Variants in ARHGAP21 observed in about 807,000 individuals in gnomAD.
ARHGAP21 encodes Rho GTPase activating protein 21.
ARHGAP21 carries 38 observed loss-of-function variants against 164.6 expected under a neutral mutation model. The ratio of observed to expected loss-of-function variants is 0.23; its 90% CI spans 0.18 to 0.30. The LOEUF is 0.30. Ranked by LOEUF, ARHGAP21 falls within the 10% of genes least tolerant of loss-of-function variation. The pLI, the probability that ARHGAP21 is intolerant of heterozygous loss-of-function variation, is 1.00. For missense variants in ARHGAP21, 1,822 were observed against 2,370.7 expected, an observed-to-expected ratio of 0.77 and a Z score of 4.81; for synonymous variants, 766 against 857.9, an observed-to-expected ratio of 0.89 and a Z score of 1.87.
intron 4 of ARHGAP21, among the ~76,000 whole-genome samples, chr10:24,636,101 A>G (rs903403647): frequency 1.3e-5 from 2 of 152,236 alleles, no homozygotes; most frequent in Non-Finnish European, 2.9e-5. Context: ...TTTGCTAAAA[A>G]TGGATGTTTT....
chr10:24,592,702 T>C (rs529466047), intron 21 of ARHGAP21, among the ~76,000 whole-genome samples: 3 of 150,746 alleles, frequency 2.0e-5, no homozygotes, highest in African/African-American at 7.4e-5. Flanking sequence ...GAGGTCGAGG[T>C]TGCAGCCTGG....
At chr10:24,698,168 C>T (rs1389008941) in intron 2 of ARHGAP21, among the ~76,000 whole-genome samples, 2 of 152,054 alleles carry the variant, frequency 1.3e-5, no homozygotes, top group African/African-American at 4.8e-5. Flanking sequence ...AAACTTTCCC[C>T]ATCAATCATG....
rs1464084412 is a variant in ARHGAP21 at position 24,584,629 on chromosome 10, T to C, written c.5660A>G (p.Asp1887Gly). ...GTTGCAATGAAGAGACAAAGGTGTGTCGGTCGTGGCTATTTCTCGTGTGCT... is the reference window on the plus strand; with the variant it reads ...GTTGCAATGAAGAGACAAAGGTGTGCCGGTCGTGGCTATTTCTCGTGTGCT... The part of the protein sequence containing the change: ...NPSTREIATT[D>G]TPLSLHCNTG... The change falls in exon 26 of 26, where the codon GAC (aspartate) becomes GGC (glycine). Residue 1887 changes from aspartate (D) to glycine (G), a missense_variant. Physicochemically the swap from Asp to Gly is moderately conservative, Grantham distance 94. Transcript: ENST00000396432. 1.2e-6 allele frequency: 2 copies of C among 1,613,950 alleles called. No homozygotes were observed. The highest frequency in any genetic ancestry group is 1.7e-5 in the Admixed American group (1 of 60,010).
chr10:24,627,215 G>C (rs1387695210), intron 7 of ARHGAP21, among the ~76,000 whole-genome samples: 1 of 152,054 alleles, frequency 6.6e-6, no homozygotes, highest in African/African-American at 2.4e-5. Flanking sequence ...TGTTTCCATG[G>C]GTAAATGATT....
At chr10:24,645,828 A>G (rs1837513086) in intron 4 of ARHGAP21, among the ~76,000 whole-genome samples, 1 of 152,176 alleles carries the variant, frequency 6.6e-6, no homozygotes, top group Non-Finnish European at 1.5e-5. Context: ...TGAGGAAGAA[A>G]TAAGTAATAT....
intron 7 of ARHGAP21, among the ~76,000 whole-genome samples, chr10:24,624,391 G>C (rs1485325087): frequency 7.2e-6 from 1 of 138,926 alleles, no homozygotes; most frequent in African/African-American, 2.8e-5. Context: ...CCAGGCTGGA[G>C]TGCAGTGGCG....
At chr10:24,619,408 A>G in intron 9 of ARHGAP21, 65 bp downstream of exon 9, 5 of 1,464,276 alleles carry the variant, frequency 3.4e-6, no homozygotes, top group Non-Finnish European at 4.6e-6. Context: ...AACTAGAAAT[A>G]ATACTTTTCT....
At chr10:24,627,417 T>C (rs11014182) in intron 7 of ARHGAP21, among the ~76,000 whole-genome samples, 24,288 of 152,112 alleles carry the variant, frequency 0.16, 2,502 homozygotes, top group Non-Finnish European at 0.23. Flanking sequence ...GAAAATTATA[T>C]ATTCCTTTGA....
In ARHGAP21 at chr10:24,696,861, C is replaced by T. The variant is rs369602288; in HGVS notation, c.63+24976G>A. Among the ~76,000 whole-genome samples, 4 of 152,320 alleles carry T rather than the reference C, an allele frequency of 2.6e-5. No homozygotes were observed. In the East Asian group the frequency reaches 5.8e-4, roughly 22 times the overall value. ...GGCCCACAGGACACTCCGTGTACCA[C>T]GGCAATACTGAATGTGCTGATGGAG... On this transcript the variant is annotated intron_variant, in intron 2 of 25. Transcript: ENST00000396432.
Position 24,658,777 on chromosome 10 carries a change from T to C in ARHGAP21, c.268+8208A>G, listed in dbSNP as rs371222358. On this transcript the variant is annotated intron_variant, in intron 4 of 25. Transcript: ENST00000396432. Reference sequence around the variant, plus strand: ...CACCAACATGGCACATGTATACATATGTAAAAAACCTGCACATTGTGCACA... The same window carrying C: ...CACCAACATGGCACATGTATACATACGTAAAAAACCTGCACATTGTGCACA... 4.7e-5 allele frequency among the ~76,000 whole-genome samples: 7 copies of C among 148,458 alleles called. No homozygotes were observed. In the South Asian group the frequency reaches 1.1e-3, roughly 23 times the overall value.
intron 4 of ARHGAP21, among the ~76,000 whole-genome samples, chr10:24,655,017 G>A (rs1288963215): frequency 6.6e-6 from 1 of 152,148 alleles, no homozygotes; most frequent in Non-Finnish European, 1.5e-5. Flanking sequence ...CAAGAAATGG[G>A]GAAAGGATTC....
chr10:24,669,015 T>C (rs1840455340), intron 3 of ARHGAP21, among the ~76,000 whole-genome samples: 1 of 152,194 alleles, frequency 6.6e-6, no homozygotes, highest in Non-Finnish European at 1.5e-5. Flanking sequence ...GACTTTTTAA[T>C]ATCAGCTAGA....
chr10:24,652,422 GA>G (rs1335928952), intron 4 of ARHGAP21, among the ~76,000 whole-genome samples: 2 of 151,998 alleles, frequency 1.3e-5, no homozygotes, highest in Non-Finnish European at 2.9e-5. Context: ...CCATGGAGTA[GA>G]AAAAAATTCT....
At chr10:24,594,833 AC>A in intron 21 of ARHGAP21, 116 bp downstream of exon 21, 2 of 734,852 alleles carry the variant, frequency 2.7e-6, no homozygotes, top group East Asian at 2.9e-5. Flanking sequence ...AGAAGGACTT[AC>A]CCAGTTTGAT....
At chr10:24,595,688 T>C (rs1408888842) in intron 19 of ARHGAP21, 29 bp downstream of exon 19, 3 of 1,582,742 alleles carry the variant, frequency 1.9e-6, no homozygotes, top group South Asian at 1.1e-5. Flanking sequence ...AACCATTTCA[T>C]CTGGTATCTT....
Position 24,596,734 on chromosome 10 carries a change from T to C in ARHGAP21, c.3477+6A>G. 1 of 1,613,736 alleles carries C rather than the reference T, an allele frequency of 6.2e-7. No individual in the cohort carries two copies. Among genetic ancestry groups the C allele is most frequent in the East Asian group, 2.2e-5 (1 of 44,858 alleles). On this transcript the variant is annotated splice_donor_region_variant and intron_variant, in intron 17 of 25. Transcript: ENST00000396432. ...TGAGGAAATCCGGTGGGCTGGTGTC[T>C]CCTACCCGATTAGTATGAGCTGGTG...
In ARHGAP21 at chr10:24,670,197, TGC is replaced by T; in HGVS notation, c.243+19_243+20del. 6.6e-7 allele frequency: 1 copy of T among 1,514,798 alleles called. No homozygotes were observed. The highest frequency in any genetic ancestry group is 8.9e-7 in the Non-Finnish European group (1 of 1,124,820). The allele number at this position is 1,514,798 out of a possible 1,614,324, so 93.8% of individuals were successfully genotyped here. Reference sequence around the variant, plus strand: ...TGGCCTTGTGGTTTTTTTTTCAAGTTGCGGTAACTATTTCTCTTACCTTATAT... The same window carrying T: ...TGGCCTTGTGGTTTTTTTTTCAAGTTGGTAACTATTTCTCTTACCTTATAT... On this transcript the variant is annotated intron_variant, in intron 3 of 25. Coordinates refer to ENST00000396432, the MANE Select transcript of ARHGAP21 (RefSeq NM_020824.4).
chr10:24,635,023 C>A lies in ARHGAP21; in HGVS notation c.349G>T (p.Gly117Ter). ...VKEGGPAFEA[G>*]LCTGDRIIKV... The stretch of plus-strand genomic sequence containing the variant: ...AGAATATCAGCACCTGTACATAATC[C>A]AGCTTCAAAAGCAGGTCCTCCTTCT... Residue 117 changes from glycine (G) to a stop codon, truncating the protein, a stop_gained, in exon 5 of 26, where the codon GGA becomes TGA. Coordinates refer to ENST00000396432, the MANE Select transcript of ARHGAP21 (RefSeq NM_020824.4). LOFTEE classifies it high-confidence loss of function. 1 of 1,592,136 alleles carries A rather than the reference C, an allele frequency of 6.3e-7. No homozygotes were observed.
Position 24,628,962 on chromosome 10 carries a change from A to AC in ARHGAP21, c.495+1033_495+1034insG, listed in dbSNP as rs1835504551. The AC allele has an allele frequency of 2.6e-4, 3 of 11,742 alleles. 1 individual carries two copies. The highest frequency in any genetic ancestry group is 5.8e-4 in the African/African-American group (1 of 1,714). 0.7% of individuals were successfully genotyped at this position (11,742 alleles called of 1,614,324 possible). On this transcript the variant is annotated intron_variant, in intron 7 of 25. Coordinates refer to ENST00000396432, the MANE Select transcript of ARHGAP21 (RefSeq NM_020824.4). Reference sequence around the variant, plus strand: ...ATATACACACACACACTATATATATATATATATATATATATATATATTTTT... The same window carrying AC: ...ATATACACACACACACTATATATATACTATATATATATATATATATATTTTT...
Sources: allele counts gnomAD v4.1 joint callset (sites outside exome capture counted in the v4.1 genomes callset), GRCh38; gene constraint gnomAD v4.1.1; transcripts MANE v1.5; gene names NCBI Gene and HGNC (gene_info 2026-07-23, HGNC 2026-07-21).